PCDH9: variants seen among roughly 807,000 people sequenced by gnomAD.
PCDH9 encodes the protein protocadherin 9.
PCDH9 carries 24 observed loss-of-function variants against 70.6 expected under a neutral mutation model. The observed-to-expected ratio is 0.34, with a 90% CI of 0.25 to 0.48. The LOEUF is 0.48. Among genes scored for constraint, PCDH9 ranks in the 20% least tolerant of loss-of-function variants. PCDH9 has a pLI of 0.99. For missense variants in PCDH9, 1,281 were observed against 1,503.6 expected (o/e 0.85, Z 2.45); for synonymous variants, 562 against 558.5 (o/e 1.01, Z -0.09).
At chr13:66,391,001 T>G (rs1342395283) in intron 4 of PCDH9, among the ~76,000 whole-genome samples, 1 of 152,106 alleles carries the variant, frequency 6.6e-6, no homozygotes, top group African/African-American at 2.4e-5. Context: ...AGAGTTTTTG[T>G]TTTTCAGTCC....
intron 4 of PCDH9, among the ~76,000 whole-genome samples, chr13:66,475,903 C>T (rs1458786225): frequency 1.3e-5 from 2 of 152,144 alleles, no homozygotes; most frequent in Non-Finnish European, 2.9e-5. Context: ...GAATTCACCT[C>T]TAAGTCTCTT....
At chr13:67,199,152 G>A (rs192383581) in intron 2 of PCDH9, among the ~76,000 whole-genome samples, 48 of 151,512 alleles carry the variant, frequency 3.2e-4, no homozygotes, top group Admixed American at 3.1e-3. Flanking sequence ...CTGAACTTAT[G>A]TATAAATATA....
intron 2 of PCDH9, among the ~76,000 whole-genome samples, chr13:66,986,783 C>T (rs1232475059): frequency 6.6e-6 from 1 of 151,774 alleles, no homozygotes; most frequent in Non-Finnish European, 1.5e-5. Context: ...TACTGCTACA[C>T]AAGATGATTG....
At chr13:66,310,836 A>G (rs1182523092) in intron 4 of PCDH9, among the ~76,000 whole-genome samples, 1 of 152,086 alleles carries the variant, frequency 6.6e-6, no homozygotes, top group African/African-American at 2.4e-5. Context: ...ATTATAGGCA[A>G]ATTCCTCTTG....
At chr13:66,526,555 CA>C (rs1960226897) in intron 4 of PCDH9, among the ~76,000 whole-genome samples, 2 of 151,762 alleles carry the variant, frequency 1.3e-5, no homozygotes, top group African/African-American at 4.8e-5. Flanking sequence ...CTCTGGAGTG[CA>C]TAGCTTCACA....
At chr13:66,605,884 A>G (rs1347506755) in intron 4 of PCDH9, among the ~76,000 whole-genome samples, 2 of 151,878 alleles carry the variant, frequency 1.3e-5, no homozygotes, top group Non-Finnish European at 2.9e-5. Flanking sequence ...TAATAGTAAC[A>G]CTGGCCGAGT....
chr13:66,984,031 CTCATAA>C (rs1285229934), intron 2 of PCDH9, among the ~76,000 whole-genome samples: 1 of 151,992 alleles, frequency 6.6e-6, no homozygotes, highest in African/African-American at 2.4e-5. Flanking sequence ...GAAAGAGATG[CTCATAA>C]TCATAGACAT....
Position 67,058,380 on chromosome 13 carries a change from C to T in PCDH9, c.3037-154775G>A, listed in dbSNP as rs76650219. ...TATCTTATTATAGTGACCCTGTGTT[C>T]TCCTGTGCCAAGTGTGCACGTCCCA... is the stretch of plus-strand genomic sequence containing the variant. On this transcript the variant is annotated intron_variant, in intron 2 of 4. Transcript: ENST00000377865. Among the ~76,000 whole-genome samples, 83 of 152,232 alleles carry T rather than the reference C, an allele frequency of 5.5e-4. 4 individuals are homozygous for T. The East Asian group carries it at 0.016, about 29-fold the overall frequency.
Position 67,226,728 on chromosome 13 carries a change from C to T in PCDH9, c.1713G>A (p.Lys571=). ...AAAATTGAAAATGATTATGAGTAAACTTGGGGCTATTGTCATTCTCATCCA... is the reference window on the plus strand; with the variant it reads ...AAAATTGAAAATGATTATGAGTAAATTTGGGGCTATTGTCATTCTCATCCA... ...TVLDENDNSP[K]FTHNHFQFFV... Residue 571 remains lysine (K), a synonymous_variant, in exon 2 of 5, where the codon AAG becomes AAA. Transcript: ENST00000377865. This position sits in a 1 kb window ranked among gnomAD's most constrained non-coding sequence, Gnocchi z 5.0. The T allele has an allele frequency of 6.2e-7, 1 of 1,614,132 alleles. No individual in the cohort carries two copies. The highest frequency in any genetic ancestry group is 8.5e-7 in the Non-Finnish European group (1 of 1,180,010).
chr13:66,438,213 G>A (rs1957910497), intron 4 of PCDH9, among the ~76,000 whole-genome samples: 1 of 150,286 alleles, frequency 6.7e-6, no homozygotes, highest in Non-Finnish European at 1.5e-5. Context: ...CAGCCTGAGT[G>A]ACAGAGCGAG....
chr13:67,221,536 C>G (rs922340059), intron 2 of PCDH9: 2 of 152,004 alleles, frequency 1.3e-5, no homozygotes, highest in African/African-American at 4.8e-5. Context: ...ATGTTTAAAG[C>G]TCTAAAATGA....
rs200438348 is a variant in PCDH9 at position 66,627,641 on chromosome 13, AC to A, written c.3340+3568del. ...TCCCCTTCCCAATGATGAACAAGGCACTGTCACAACCTAAGAGCCCTGCTCT... is the reference window on the plus strand; with the variant it reads ...TCCCCTTCCCAATGATGAACAAGGCATGTCACAACCTAAGAGCCCTGCTCT... On this transcript the variant is annotated intron_variant, in intron 4 of 4. Transcript: ENST00000377865. Among the ~76,000 whole-genome samples the A allele has an allele frequency of 4.2e-3, 636 of 152,206 alleles. 19 individuals are homozygous for A. In the East Asian group the frequency reaches 0.081, roughly 19 times the overall value.
intron 3 of PCDH9, among the ~76,000 whole-genome samples, chr13:66,722,298 T>C (rs1000110413): frequency 3.3e-5 from 5 of 152,214 alleles, no homozygotes; most frequent in Non-Finnish European, 5.9e-5. Flanking sequence ...GCACTCAGTG[T>C]TTTATGTTTG....
At chr13:66,708,417 T>TC (rs1417303153) in intron 3 of PCDH9, among the ~76,000 whole-genome samples, 5 of 151,362 alleles carry the variant, frequency 3.3e-5, no homozygotes, top group South Asian at 2.1e-4. Flanking sequence ...TTTTTTTTTT[T>TC]TTTCTTTCTT....
chr13:66,479,284 T>C (rs1257545922), intron 4 of PCDH9, among the ~76,000 whole-genome samples: 2 of 152,222 alleles, frequency 1.3e-5, no homozygotes, highest in Non-Finnish European at 2.9e-5. Context: ...GACTGAAATG[T>C]AGAAGCAGAT....
chr13:66,613,781 T>C (rs918770869), intron 4 of PCDH9, among the ~76,000 whole-genome samples: 1 of 152,128 alleles, frequency 6.6e-6, no homozygotes, highest in Non-Finnish European at 1.5e-5. Context: ...TTGGCCTAAA[T>C]AAAGACAAGC....
chr13:67,154,754 G>A (rs1177849514), intron 2 of PCDH9, among the ~76,000 whole-genome samples: 1 of 145,308 alleles, frequency 6.9e-6, no homozygotes, highest in Non-Finnish European at 1.5e-5. Context: ...ACCTAGGCTA[G>A]AGTACAGTGG....
At chr13:66,619,212 C>T (rs936883640) in intron 4 of PCDH9, among the ~76,000 whole-genome samples, 2 of 151,890 alleles carry the variant, frequency 1.3e-5, no homozygotes, top group African/African-American at 2.4e-5. Flanking sequence ...TTAAAGTGTA[C>T]GGTGAAAAGT....
At chr13:66,350,661 A>G (rs889474336) in intron 4 of PCDH9, among the ~76,000 whole-genome samples, 2 of 152,196 alleles carry the variant, frequency 1.3e-5, no homozygotes, top group Non-Finnish European at 2.9e-5. Flanking sequence ...TCAGTGCACA[A>G]TCATATTCTG....
Sources: allele counts gnomAD v4.1 joint callset (sites outside exome capture counted in the v4.1 genomes callset), GRCh38; gene constraint gnomAD v4.1.1; non-coding constraint Gnocchi (gnomAD v3.1); transcripts MANE v1.5; gene names NCBI Gene and HGNC (gene_info 2026-07-23, HGNC 2026-07-21).